Variants in SMYD3 observed in about 807,000 individuals in gnomAD.
SMYD3 encodes histone-lysine N-methyltransferase SMYD3.
Under a neutral mutation model 57.7 loss-of-function variants are expected in SMYD3, and 36 were observed. The observed-to-expected ratio is 0.62, with a 90% CI of 0.48 to 0.82. SMYD3 has a LOEUF of 0.82. Ranked by LOEUF, SMYD3 falls within the 40% of genes least tolerant of loss-of-function variation. The pLI, the probability that SMYD3 is intolerant of heterozygous loss-of-function variation, is 0.00. For missense variants in SMYD3, 515 were observed against 538.8 expected (o/e 0.96, Z 0.44); for synonymous variants, 211 against 195.0 (o/e 1.08, Z -0.68).
At chr1:246,372,615 A>C (rs1439259232) in intron 1 of SMYD3, among the ~76,000 whole-genome samples, 1 of 152,224 alleles carries the variant, frequency 6.6e-6, no homozygotes, top group African/African-American at 2.4e-5. Flanking sequence ...AGAAGCCTGT[A>C]ATCCCAGCAC....
intron 5 of SMYD3, among the ~76,000 whole-genome samples, chr1:246,172,130 T>G (rs966991094): frequency 6.6e-6 from 1 of 152,204 alleles, no homozygotes; most frequent in Non-Finnish European, 1.5e-5. Flanking sequence ...CAGGTGAATG[T>G]GAAGGCCTAG....
chr1:246,043,847 G>A (rs962449353), intron 5 of SMYD3, among the ~76,000 whole-genome samples: 1 of 152,176 alleles, frequency 6.6e-6, no homozygotes, highest in Admixed American at 6.5e-5. Context: ...TGGAGTTAGA[G>A]CCCTGCCAGA....
At chr1:246,294,941 A>T (rs1558383648) in intron 5 of SMYD3, among the ~76,000 whole-genome samples, 1 of 152,314 alleles carries the variant, frequency 6.6e-6, no homozygotes, top group Admixed American at 6.5e-5. Context: ...ATATAAGGTG[A>T]GAATAATATA....
intron 5 of SMYD3, among the ~76,000 whole-genome samples, chr1:246,082,238 G>A (rs1239940219): frequency 6.6e-6 from 1 of 152,172 alleles, no homozygotes; most frequent in East Asian, 1.9e-4. Flanking sequence ...TAAAATGTAG[G>A]CGTAGTTTCT....
At chr1:245,845,563 G>A (rs778298214) in intron 10 of SMYD3, among the ~76,000 whole-genome samples, 117 of 152,180 alleles carry the variant, frequency 7.7e-4, no homozygotes, top group Admixed American at 2.8e-3. Context: ...GACCTCAGCT[G>A]CTTTCTAGAG....
At chr1:246,075,739 A>G (rs888473512) in intron 5 of SMYD3, among the ~76,000 whole-genome samples, 1 of 152,134 alleles carries the variant, frequency 6.6e-6, no homozygotes, top group South Asian at 2.1e-4. Flanking sequence ...TCTTCAAAAT[A>G]TATATGGCTA....
At chr1:246,256,243 T>A (rs2063891876) in intron 5 of SMYD3, among the ~76,000 whole-genome samples, 1 of 152,154 alleles carries the variant, frequency 6.6e-6, no homozygotes, top group African/African-American at 2.4e-5. Flanking sequence ...CTGCCTGTTT[T>A]ATATTCCCTG....
At chr1:246,371,838 T>C (rs778872482) in intron 1 of SMYD3, among the ~76,000 whole-genome samples, 1 of 152,212 alleles carries the variant, frequency 6.6e-6, no homozygotes, top group South Asian at 2.1e-4. Context: ...AATTCACTAA[T>C]TGGAGTCGTT....
chr1:245,993,599 T>TAGATAGACAGATAGATAGATAGATAGAC (rs200823571), intron 5 of SMYD3, among the ~76,000 whole-genome samples: 1 of 45,672 alleles, frequency 2.2e-5, no homozygotes, highest in African/African-American at 5.0e-5. Context: ...GATAGATAGA[T>TAGATAGACAGATAGATAGATAGATAGAC]AGATAGATAG....
chr1:246,448,704 TAAA>T (rs1553349829), intron 1 of SMYD3, among the ~76,000 whole-genome samples: 2 of 81,436 alleles, frequency 2.5e-5, no homozygotes, highest in Non-Finnish European at 4.5e-5. Context: ...CTCTTTTTTT[TAAA>T]AAAAAAAAAA....
chr1:246,209,597 G>GT (rs202219394), intron 5 of SMYD3, among the ~76,000 whole-genome samples: 3,624 of 151,816 alleles, frequency 0.024, 165 homozygotes, highest in African/African-American at 0.083. Flanking sequence ...AAAAAAAAAG[G>GT]TAACTGGTTG....
At chr1:246,481,621 T>TATATATATATATATATATACACACAC (rs1307881494) in intron 1 of SMYD3, among the ~76,000 whole-genome samples, 3 of 98,564 alleles carry the variant, frequency 3.0e-5, no homozygotes, top group African/African-American at 7.5e-5. Flanking sequence ...CATACATATA[T>TATATATATATATATATATACACACAC]ACATACATAC....
chr1:245,988,976 C>G (rs1458694807), intron 5 of SMYD3, among the ~76,000 whole-genome samples: 2 of 152,204 alleles, frequency 1.3e-5, no homozygotes, highest in African/African-American at 4.8e-5. Context: ...ATCTGTGAAC[C>G]AATAAATTCC....
chr1:246,013,171 G>A (rs2059316028), intron 5 of SMYD3, among the ~76,000 whole-genome samples: 1 of 151,972 alleles, frequency 6.6e-6, no homozygotes. Context: ...TTGTTCACAT[G>A]CATTATTTTA....
chr1:246,240,452 C>T (rs144147650), intron 5 of SMYD3, among the ~76,000 whole-genome samples: 8,965 of 152,052 alleles, frequency 0.059, 426 homozygotes, highest in African/African-American at 0.12. Context: ...TGATCTATAT[C>T]TCTGTTTTGG....
chr1:245,868,368 G>C (rs2051994812), intron 8 of SMYD3, among the ~76,000 whole-genome samples: 1 of 152,132 alleles, frequency 6.6e-6, no homozygotes, highest in Non-Finnish European at 1.5e-5. Flanking sequence ...ACTCATATCT[G>C]AGTTAATCAA....
At chr1:245,793,120 T>G (rs2791389) in intron 10 of SMYD3, among the ~76,000 whole-genome samples, 5 of 144,814 alleles carry the variant, frequency 3.5e-5, no homozygotes, top group Admixed American at 1.4e-4. Context: ...CCATCCTGGC[T>G]AACACGGTGA....
At chr1:246,003,479 T>C (rs992053174) in intron 5 of SMYD3, among the ~76,000 whole-genome samples, 1 of 152,276 alleles carries the variant, frequency 6.6e-6, no homozygotes, top group Non-Finnish European at 1.5e-5. Flanking sequence ...TTACGTCCTA[T>C]GGATTATCTC....
At position 245,927,928 on chromosome 1, in the gene SMYD3, T is replaced by C. The variant is rs1234434411; in HGVS notation, c.702+3A>G. ...CCAGGCTGGGAAGCATGAGTTTCCTTACCTCCTCTCCCACCTCGATGTCTC... is the reference window on the plus strand; with the variant it reads ...CCAGGCTGGGAAGCATGAGTTTCCTCACCTCCTCTCCCACCTCGATGTCTC... On this transcript the variant is annotated splice_donor_region_variant and intron_variant, in intron 7 of 11. Transcript: ENST00000490107. 1 of 1,609,128 alleles carries C rather than the reference T, an allele frequency of 6.2e-7. No homozygotes were observed. The highest frequency in any genetic ancestry group is 8.5e-7 in the Non-Finnish European group (1 of 1,177,262).
Sources: allele counts gnomAD v4.1 joint callset (sites outside exome capture counted in the v4.1 genomes callset), GRCh38; gene constraint gnomAD v4.1.1; transcripts MANE v1.5; gene names NCBI Gene and HGNC (gene_info 2026-07-23, HGNC 2026-07-21).